Variants in AKAP11 observed in about 807,000 individuals in gnomAD.
AKAP11 encodes A-kinase anchoring protein 11.
AKAP11 carries 36 observed loss-of-function variants against 146.1 expected under a neutral mutation model. That is an observed-to-expected ratio of 0.25 (90% CI 0.19 to 0.33). AKAP11 has a LOEUF of 0.33. Among genes scored for constraint, AKAP11 ranks in the 10% least tolerant of loss-of-function variants. The pLI, the probability that AKAP11 is intolerant of heterozygous loss-of-function variation, is 1.00. For synonymous variants in AKAP11, 780 were observed against 786.5 expected (o/e 0.99, Z 0.14); for missense variants, 2,201 against 2,197.0 (o/e 1.00, Z -0.04).
chr13:42,298,735 A>T lies in AKAP11; in HGVS notation c.554A>T (p.Asp185Val). 1 of 1,603,210 alleles carries T rather than the reference A, an allele frequency of 6.2e-7. No homozygotes were observed. The highest frequency in any genetic ancestry group is 1.3e-5 in the African/African-American group (1 of 74,340). The part of the protein sequence containing the change: ...DTNQSVSSIE[D>V]DFVTAFEHLE... The stretch of plus-strand genomic sequence containing the variant: ...AACCAGTCTGTGTCATCCATAGAGG[A>T]TGACTTTGTCACTGCTTTTGAGCAC... Residue 185 changes from aspartate to valine, a missense_variant, in exon 7 of 13, where the codon GAT becomes GTT. Transcript: ENST00000025301.
intron 11 of AKAP11, among the ~76,000 whole-genome samples, chr13:42,315,166 C>A (rs1960760807): frequency 6.6e-6 from 1 of 152,118 alleles, no homozygotes; most frequent in Non-Finnish European, 1.5e-5. Context: ...CTTTATGACA[C>A]CTGAATTTTC....
intron 9 of AKAP11, among the ~76,000 whole-genome samples, chr13:42,311,806 A>G (rs1313973044): frequency 1.3e-5 from 2 of 152,108 alleles, no homozygotes; most frequent in African/African-American, 4.8e-5. Context: ...TTTTTAGTTT[A>G]TCTGACAATG....
In AKAP11 at chr13:42,321,838, A is replaced by G. The variant is rs1594370570; in HGVS notation, c.*2610A>G. ...GAAATACGTCTTTTTCAGAACTGTTAAAGTTTTGATGTACATCGAGCTGAA... is the reference window on the plus strand; with the variant it reads ...GAAATACGTCTTTTTCAGAACTGTTGAAGTTTTGATGTACATCGAGCTGAA... On this transcript the variant is annotated 3_prime_UTR_variant, in exon 13 of 13. Coordinates refer to ENST00000025301, the MANE Select transcript of AKAP11 (RefSeq NM_016248.4). 1 of 152,296 alleles carries G rather than the reference A, an allele frequency of 6.6e-6. No individual in the cohort carries two copies. Among genetic ancestry groups the G allele is most frequent in the Non-Finnish European group, 1.5e-5 (1 of 67,988 alleles). The allele number at this position is 152,296 out of a possible 1,614,324, so 9.4% of individuals were successfully genotyped here.
rs150533586 is a variant in AKAP11, at chr13:42,299,779, A to G, written c.1033A>G (p.Ile345Val). Residue 345 changes from isoleucine (I) to valine (V), a missense_variant, in exon 8 of 13, where the codon ATA (isoleucine) becomes GTA (valine). By Grantham distance (29) the Ile-to-Val change is conservative (BLOSUM62 3). Transcript: ENST00000025301. Reference sequence around the variant, plus strand: ...TAAAATTCCTGTGATGAAAGATGATATAGAGGATTCAGACTCAGAAGTAAG... The same window carrying G: ...TAAAATTCCTGTGATGAAAGATGATGTAGAGGATTCAGACTCAGAAGTAAG... ...LPKIPVMKDD[I>V]EDSDSEVSEF... 806 of 1,613,952 alleles carry G rather than the reference A, an allele frequency of 5.0e-4. 3 individuals are homozygous for G. The African/African-American group carries it at 9.0e-3, about 18-fold the overall frequency.
Position 42,302,082 on chromosome 13 carries a change from T to C in AKAP11, c.3336T>C (p.Ser1112=). 1 of 1,614,140 alleles carries C rather than the reference T, an allele frequency of 6.2e-7. No individual in the cohort carries two copies. Among genetic ancestry groups the C allele is most frequent in the Non-Finnish European group, 8.5e-7 (1 of 1,180,022 alleles). The change falls in exon 8 of 13, where the codon AGT becomes AGC. Residue 1112 remains serine, a synonymous_variant. Transcript: ENST00000025301. ...PSTPLVPSRA[S]SEWDIKKLTK... ...CTCCTCTAGTACCATCCCGGGCTAG[T>C]TCTGAATGGGATATCAAGAAGTTAA...
intron 4 of AKAP11, among the ~76,000 whole-genome samples, chr13:42,293,258 T>C (rs1453354591): frequency 6.6e-6 from 1 of 152,198 alleles, no homozygotes; most frequent in East Asian, 1.9e-4. Context: ...AGATCCATTT[T>C]TCATCAAAAA....
chr13:42,310,339 A>G (rs1014156389), intron 9 of AKAP11, among the ~76,000 whole-genome samples: 3 of 152,194 alleles, frequency 2.0e-5, no homozygotes, highest in African/African-American at 7.2e-5. Context: ...TTGCATATAC[A>G]GTGTCCAGGG....
intron 1 of AKAP11, among the ~76,000 whole-genome samples, chr13:42,275,105 A>T (rs369660528): frequency 6.6e-6 from 1 of 152,226 alleles, no homozygotes; most frequent in African/African-American, 2.4e-5. Context: ...CATGATTCCA[A>T]TTCAGCGTTT....
intron 1 of AKAP11, among the ~76,000 whole-genome samples, chr13:42,279,573 C>T (rs1959013842): frequency 6.6e-6 from 1 of 152,074 alleles, no homozygotes; most frequent in Non-Finnish European, 1.5e-5. Context: ...TCCTTCTCTC[C>T]TTATGGTGAT....
At position 42,285,513 on chromosome 13, in the gene AKAP11, A is replaced by G. The variant is rs183933631; in HGVS notation, c.-99-473A>G. 1.4e-4 allele frequency among the ~76,000 whole-genome samples: 21 copies of G among 152,356 alleles called. No individual in the cohort carries two copies. In the East Asian group the frequency reaches 2.3e-3, roughly 17 times the overall value. Reference sequence around the variant, plus strand: ...AAGGCTTTGAATGCAGGAGGGCCATATCTATCTTGTTTCTCTTGTATCCAT... The same window carrying G: ...AAGGCTTTGAATGCAGGAGGGCCATGTCTATCTTGTTTCTCTTGTATCCAT... On this transcript the variant is annotated intron_variant, in intron 1 of 12. Transcript: ENST00000025301.
intron 3 of AKAP11, 60 bp downstream of exon 3, chr13:42,286,459 T>A (rs1959167133): frequency 7.6e-7 from 1 of 1,312,900 alleles, no homozygotes; most frequent in South Asian, 1.3e-5. Flanking sequence ...TTGATTTTTT[T>A]TTAAGTCCTA....
At chr13:42,314,011 T>C in intron 11 of AKAP11, 71 bp downstream of exon 11, 1 of 1,459,710 alleles carries the variant, frequency 6.9e-7, no homozygotes, top group Non-Finnish European at 9.6e-7. Context: ...TCTTTATGCA[T>C]TTTCATCAGA....
chr13:42,292,051 T>TGA (rs1566264348), intron 3 of AKAP11, among the ~76,000 whole-genome samples: 2 of 152,246 alleles, frequency 1.3e-5, no homozygotes, highest in Non-Finnish European at 2.9e-5. Flanking sequence ...GCTTCTGTTC[T>TGA]ACGCCAGTGA....
Position 42,301,228 on chromosome 13 carries a change from G to C in AKAP11, c.2482G>C (p.Glu828Gln), listed in dbSNP as rs200320855. The change falls in exon 8 of 13, where the codon GAA becomes CAA. Residue 828 changes from glutamate (E) to glutamine (Q), a missense_variant. Coordinates refer to ENST00000025301, the MANE Select transcript of AKAP11 (RefSeq NM_016248.4). ...GCATATTGCCACAAAAAACAGAGAA[G>C]AAAAAGCAGCTTGTCTCAGAAATAT... ...QVHIATKNREEKAACLRNICL... is the reference protein window; with the variant it reads ...QVHIATKNREQKAACLRNICL... The C allele has an allele frequency of 2.0e-5, 32 of 1,613,878 alleles. No homozygotes were observed. In the African/African-American group the frequency reaches 3.5e-4, roughly 17 times the overall value.
intron 1 of AKAP11, among the ~76,000 whole-genome samples, chr13:42,278,606 A>T (rs1432081851): frequency 6.6e-6 from 1 of 152,130 alleles, no homozygotes; most frequent in Admixed American, 6.5e-5. Flanking sequence ...ATTTTGTCAT[A>T]CATTTTATCA....
chr13:42,271,749 A>C (rs1380277183), upstream of AKAP11, among the ~76,000 whole-genome samples: 10 of 152,036 alleles, frequency 6.6e-5, no homozygotes, highest in Admixed American at 3.3e-4. Context: ...GGAAGCGCGC[A>C]AGACGTCCGC....
At chr13:42,280,354 G>A (rs1425291130) in intron 1 of AKAP11, among the ~76,000 whole-genome samples, 2 of 152,198 alleles carry the variant, frequency 1.3e-5, no homozygotes, top group African/African-American at 2.4e-5. Context: ...TGGTCAAAAT[G>A]TGTATTTGGA....
intron 11 of AKAP11, among the ~76,000 whole-genome samples, chr13:42,314,256 C>T: frequency 6.6e-6 from 1 of 151,934 alleles, no homozygotes; most frequent in East Asian, 1.9e-4. Context: ...ACCAGCCTGG[C>T]CAACATGGTG....
At chr13:42,277,086 A>G (rs192470298) in intron 1 of AKAP11, among the ~76,000 whole-genome samples, 5 of 152,356 alleles carry the variant, frequency 3.3e-5, no homozygotes, top group Admixed American at 1.3e-4. Flanking sequence ...GTATTCAATT[A>G]CATAGCATTT....
Sources: gnomAD v4.1 joint callset for allele counts (sites outside exome capture counted in the v4.1 genomes callset) on GRCh38, gnomAD v4.1.1 for gene constraint, MANE v1.5 for transcripts, NCBI Gene and HGNC (gene_info 2026-07-23, HGNC 2026-07-21) for gene names.